BLM: variants seen among roughly 807,000 people sequenced by gnomAD.
BLM encodes BLM RecQ like helicase, also known as recQ-like DNA helicase BLM.
In BLM, 95 loss-of-function variants were observed where a neutral mutation model predicts 135.3. The ratio of observed to expected loss-of-function variants is 0.70; its 90% CI spans 0.59 to 0.83. The LOEUF (loss-of-function observed/expected upper bound fraction) is 0.83. BLM is among the 40% of genes least tolerant of loss of function. The pLI, the probability that BLM is intolerant of heterozygous loss-of-function variation, is 0.00. For missense variants in BLM, 1,518 were observed against 1,663.9 expected (o/e 0.91, Z 1.53); for synonymous variants, 520 against 589.2 (o/e 0.88, Z 1.70).
chr15:90,798,214 G>C lies in BLM; in HGVS notation c.3235G>C (p.Asp1079His), dbSNP rs771055974. 6.2e-7 allele frequency: 1 copy of C among 1,608,478 alleles called. No homozygotes were observed. The highest frequency in any genetic ancestry group is 1.3e-5 in the African/African-American group (1 of 74,904). The change falls in exon 17 of 22, where the codon GAC (aspartate) becomes CAC (histidine). Residue 1079 changes from aspartate to histidine, a missense_variant. Around this residue, in one of 5 missense-constraint regions of BLM, gnomAD observed 626 missense variants for 681.1 expected, o/e 0.92. Transcript: ENST00000355112. ...TKDYKTRDVT[D>H]DVKSIVRFVQ... Reference sequence around the variant, plus strand: ...GGATTATAAAACAAGAGATGTGACTGACGATGTGAAAAGTATTGTAAGATT... The same window carrying C: ...GGATTATAAAACAAGAGATGTGACTCACGATGTGAAAAGTATTGTAAGATT...
At chr15:90,792,188 C>G (rs901939215) in intron 15 of BLM, among the ~76,000 whole-genome samples, 1 of 151,816 alleles carries the variant, frequency 6.6e-6, no homozygotes, top group Non-Finnish European at 1.5e-5. Flanking sequence ...CCACTGCAAC[C>G]TCTGCCTCCC....
chr15:90,759,606 T>G (rs1895907018), intron 5 of BLM, among the ~76,000 whole-genome samples: 1 of 151,738 alleles, frequency 6.6e-6, no homozygotes, highest in Non-Finnish European at 1.5e-5. Flanking sequence ...TCTTTCTTTC[T>G]TTCTTTCTTT....
chr15:90,804,106 C>T, intron 18 of BLM, 61 bp from the exon 19 acceptor site: 4 of 1,475,628 alleles, frequency 2.7e-6, no homozygotes, highest in Non-Finnish European at 2.8e-6. Context: ...TTAAATAAAG[C>T]CCCTGTATGG....
At chr15:90,788,471 GTT>G (rs35158343) in intron 14 of BLM, among the ~76,000 whole-genome samples, 1,657 of 95,010 alleles carry the variant, frequency 0.017, 16 homozygotes, top group African/African-American at 0.057. Flanking sequence ...CCAGTGTTTT[GTT>G]TTTTTTTTTT....
At chr15:90,811,106 C>A in intron 20 of BLM, 99 bp from the exon 21 acceptor site, 1 of 1,262,240 alleles carries the variant, frequency 7.9e-7, no homozygotes, top group Non-Finnish European at 1.2e-6. Context: ...AGCTAGGTAT[C>A]TGCTAAAATG....
rs573136577 is a variant in BLM, at chr15:90,742,232, T to C, written c.-4-5157T>C. ...CAAAAAGTAGATTTTTTGATCGTTC[T>C]TAGTTAGGCTCACCACCTTTGCCCC... On this transcript the variant is annotated intron_variant, in intron 1 of 21. Transcript: ENST00000355112. Among the ~76,000 whole-genome samples, 193 of 149,620 alleles carry C rather than the reference T, an allele frequency of 1.3e-3. 1 individual carries two copies. The highest frequency in any genetic ancestry group is 0.012 in the Admixed American group (181 of 15,220).
chr15:90,756,816 C>A (rs1895831958), intron 5 of BLM, among the ~76,000 whole-genome samples: 1 of 152,198 alleles, frequency 6.6e-6, no homozygotes, highest in African/African-American at 2.4e-5. Context: ...ATGGGTGGGA[C>A]ATTGACTCTA....
Position 90,765,381 on chromosome 15 carries a change from C to T in BLM, c.2160C>T (p.Ile720=), listed in dbSNP as rs28385028. ...TVVISPLRSL[I]VDQVQKLTSL... is the part of the protein sequence containing the mutation. The stretch of plus-strand genomic sequence containing the variant: ...TCATTTCTCCCTTGAGATCACTTAT[C>T]GTAGATCAAGTCCAAAAGCTGACTT... The change falls in exon 9 of 22, where the codon ATC becomes ATT. Residue 720 remains isoleucine, a synonymous_variant. Transcript: ENST00000355112. 5.3e-4 allele frequency: 859 copies of T among 1,612,632 alleles called. 8 individuals are homozygous for T. In the African/African-American group the frequency reaches 0.01, roughly 19 times the overall value.
intron 11 of BLM, 26 bp downstream of exon 11, chr15:90,769,257 A>T: frequency 6.4e-7 from 1 of 1,562,588 alleles, no homozygotes; most frequent in East Asian, 2.2e-5. Flanking sequence ...TATATCCGGA[A>T]ATACCGATAA....
intron 16 of BLM, 50 bp downstream of exon 16, chr15:90,794,407 A>C: frequency 7.2e-7 from 1 of 1,395,964 alleles, no homozygotes; most frequent in Non-Finnish European, 9.7e-7. Context: ...TTTTTCTCTT[A>C]CTTTAAAAAT....
chr15:90,777,433 G>A (rs1268238862), intron 12 of BLM, among the ~76,000 whole-genome samples: 10 of 152,204 alleles, frequency 6.6e-5, no homozygotes, highest in Admixed American at 3.3e-4. Context: ...GATTAGAGGC[G>A]TGAGCCACTG....
At chr15:90,789,598 C>T (rs888509841) in intron 14 of BLM, among the ~76,000 whole-genome samples, 3 of 152,116 alleles carry the variant, frequency 2.0e-5, no homozygotes, top group South Asian at 2.1e-4. Flanking sequence ...TAACCGAGAG[C>T]GCAGGCCACT....
intron 12 of BLM, among the ~76,000 whole-genome samples, chr15:90,770,102 A>G (rs1299329792): frequency 6.6e-6 from 1 of 152,090 alleles, no homozygotes; most frequent in African/African-American, 2.4e-5. Context: ...CTTCTCAACA[A>G]CAAAATGCTT....
intron 2 of BLM, 48 bp downstream of exon 2, chr15:90,747,538 A>C: frequency 8.8e-7 from 1 of 1,131,234 alleles, no homozygotes; most frequent in Non-Finnish European, 1.3e-6. Context: ...AACTTACCAC[A>C]TTGTACACAT....
chr15:90,794,324 A>C lies in BLM; in HGVS notation c.3177A>C (p.Pro1059=). The change falls in exon 16 of 22, where the codon CCA becomes CCC. Residue 1059 remains proline (P), a synonymous_variant. Coordinates refer to ENST00000355112, the MANE Select transcript of BLM (RefSeq NM_000057.4). ...ATCCTGATTTTTGTAAGAAACACCC[A>C]GATGTTTCTTGTGATAATTGCTGTA... ...GFNPDFCKKH[P]DVSCDNCCKT... 1 of 1,603,766 alleles carries C rather than the reference A, an allele frequency of 6.2e-7. No individual in the cohort carries two copies. Among genetic ancestry groups the C allele is most frequent in the Non-Finnish European group, 8.5e-7 (1 of 1,175,252 alleles).
At chr15:90,796,000 G>T (rs1028636255) in intron 16 of BLM, among the ~76,000 whole-genome samples, 3 of 152,164 alleles carry the variant, frequency 2.0e-5, no homozygotes, top group African/African-American at 7.2e-5. Flanking sequence ...TAAGGTGGGG[G>T]TGTGCCTGGT....
intron 13 of BLM, among the ~76,000 whole-genome samples, chr15:90,783,777 G>C (rs1262488406): frequency 1.3e-5 from 2 of 152,146 alleles, no homozygotes; most frequent in East Asian, 3.8e-4. Context: ...TGTAATTCCA[G>C]CTATTCTGGA....
chr15:90,765,707 A>T (rs1896106509), intron 9 of BLM, among the ~76,000 whole-genome samples: 1 of 152,244 alleles, frequency 6.6e-6, no homozygotes, highest in African/African-American at 2.4e-5. Context: ...AGGTCGGCAT[A>T]GTTCTCTTTC....
At chr15:90,750,180 T>C in intron 3 of BLM, 113 bp downstream of exon 3, 1 of 1,142,934 alleles carries the variant, frequency 8.7e-7, no homozygotes, top group Non-Finnish European at 1.3e-6. Flanking sequence ...GTTGTTAGGG[T>C]CTTTAGTGGT....
Sources: allele counts gnomAD v4.1 joint callset (sites outside exome capture counted in the v4.1 genomes callset), GRCh38; gene constraint gnomAD v4.1.1; regional missense constraint gnomAD v4.1.1; transcripts MANE v1.5; gene names NCBI Gene and HGNC (gene_info 2026-07-23, HGNC 2026-07-21).